MBNL3: variants seen among roughly 807,000 people sequenced by gnomAD.
MBNL3 encodes muscleblind like splicing regulator 3.
A neutral mutation model predicts 24.5 loss-of-function variants in MBNL3; 6 were observed. The ratio of observed to expected loss-of-function variants is 0.25; its 90% CI spans 0.13 to 0.48. The LOEUF is 0.48. Among genes scored for constraint, MBNL3 ranks in the 20% least tolerant of loss-of-function variants. MBNL3 has a pLI of 0.99. For missense variants in MBNL3, 230 were observed against 293.5 expected (o/e 0.78, Z 1.58); for synonymous variants, 100 against 101.7 (o/e 0.98, Z 0.10).
intron 8 of MBNL3, among the ~76,000 whole-genome samples, chrX:132,381,752 A>G (rs1474148444): frequency 8.9e-6 from 1 of 112,328 alleles, no homozygotes; most frequent in Non-Finnish European, 1.9e-5. Flanking sequence ...CATGTCTTGG[A>G]AAGAAATGTG....
chrX:132,487,472 T>A (rs1341262061), intron 1 of MBNL3, among the ~76,000 whole-genome samples: 1 of 112,630 alleles, frequency 8.9e-6, no homozygotes, highest in Non-Finnish European at 1.9e-5. Flanking sequence ...CTACAGCACC[T>A]GGGCAGAAAA....
In MBNL3 at chrX:132,392,310, T is replaced by C; in HGVS notation, c.367A>G (p.Ile123Val). The change falls in exon 4 of 9, where the codon ATT (isoleucine) becomes GTT (valine). Residue 123 changes from isoleucine to valine, a missense_variant. Coordinates refer to ENST00000370853, the MANE Select transcript of MBNL3 (RefSeq NM_001386889.1). ...SLGSFPMTPS[I>V]PANPPMAFNP... ...AAAGCCATGGGAGGATTAGCTGGAA[T>C]TGATGGAGTCATAGGAAAAGAACCC... 8.3e-7 allele frequency: 1 copy of C among 1,204,901 alleles called. No homozygotes were observed. The highest frequency in any genetic ancestry group is 1.1e-6 in the Non-Finnish European group (1 of 892,607).
In MBNL3 at chrX:132,369,326, A is replaced by G. The variant is rs1351319494; in HGVS notation, c.*10340T>C. The G allele has an allele frequency of 2.7e-5, 3 of 111,749 alleles. No individual in the cohort carries two copies. Among genetic ancestry groups the G allele is most frequent in the African/African-American group, 9.8e-5 (3 of 30,721 alleles). 9.2% of individuals were successfully genotyped at this position (111,749 alleles called of 1,213,427 possible). ...AGGACTGAAACACTTTGAATAAACT[A>G]CACACACATTTATTAAATAGTGAAA... On this transcript the variant is annotated 3_prime_UTR_variant, in exon 9 of 9. Transcript: ENST00000370853.
intron 2 of MBNL3, among the ~76,000 whole-genome samples, chrX:132,415,973 A>G: frequency 9.1e-6 from 1 of 110,227 alleles, no homozygotes; most frequent in East Asian, 2.8e-4. Flanking sequence ...CACAGCCACT[A>G]TATATATAAA....
Position 132,484,374 on chromosome X carries a change from G to C in MBNL3, c.-704+4477C>G, listed in dbSNP as rs746525344. 3.6e-5 allele frequency among the ~76,000 whole-genome samples: 4 copies of C among 112,205 alleles called. No individual in the cohort carries two copies. The South Asian group carries it at 1.5e-3, about 42-fold the overall frequency. The stretch of plus-strand genomic sequence containing the variant: ...CATTTATTTAACAAACTTTTACTGA[G>C]AACCTACTATCTACCAGGCATTAGG... On this transcript the variant is annotated intron_variant, in intron 1 of 8. Coordinates refer to ENST00000370853, the MANE Select transcript of MBNL3 (RefSeq NM_001386889.1).
At chrX:132,453,576 T>C (rs1352986307) in intron 1 of MBNL3, among the ~76,000 whole-genome samples, 1 of 111,987 alleles carries the variant, frequency 8.9e-6, no homozygotes, top group African/African-American at 3.2e-5. Flanking sequence ...ATTCCTATTT[T>C]CTGAACTGAC....
At chrX:132,417,274 C>A (rs1044019040) in intron 2 of MBNL3, among the ~76,000 whole-genome samples, 1 of 110,856 alleles carries the variant, frequency 9.0e-6, no homozygotes, top group African/African-American at 3.3e-5. Flanking sequence ...CTAAACAAGG[C>A]CCTCCACAAA....
At chrX:132,411,865 G>A (rs1942784021) in intron 2 of MBNL3, among the ~76,000 whole-genome samples, 2 of 111,572 alleles carry the variant, frequency 1.8e-5, no homozygotes, top group South Asian at 7.6e-4. Flanking sequence ...TAGCCGCCCT[G>A]CCATACACGT....
intron 7 of MBNL3, among the ~76,000 whole-genome samples, chrX:132,384,439 A>G (rs1156815519): frequency 1.8e-5 from 2 of 112,086 alleles, no homozygotes; most frequent in African/African-American, 3.2e-5. Flanking sequence ...AGAAATAGAG[A>G]AATGACAGGG....
chrX:132,439,004 C>T (rs985047054), intron 2 of MBNL3, among the ~76,000 whole-genome samples: 2 of 110,195 alleles, frequency 1.8e-5, no homozygotes, highest in African/African-American at 6.6e-5. Context: ...CTCCTAAGTG[C>T]ATTTTGGTAC....
chrX:132,407,357 C>T (rs923082598), intron 2 of MBNL3, among the ~76,000 whole-genome samples: 2 of 112,073 alleles, frequency 1.8e-5, no homozygotes, highest in Non-Finnish European at 3.8e-5. Flanking sequence ...TGGCAAGAAG[C>T]TGAGTATAAC....
chrX:132,403,814 T>A (rs1197752057), intron 3 of MBNL3, among the ~76,000 whole-genome samples: 1 of 111,600 alleles, frequency 9.0e-6, no homozygotes, highest in East Asian at 2.8e-4. Flanking sequence ...ACCCTGAAGC[T>A]ATCCCTCGAC....
intron 3 of MBNL3, among the ~76,000 whole-genome samples, chrX:132,397,698 T>G: frequency 9.0e-6 from 1 of 111,697 alleles, no homozygotes; most frequent in Non-Finnish European, 1.9e-5. Flanking sequence ...CTTTTTACGG[T>G]CATCATGCAT....
chrX:132,396,579 CCT>C (rs1198583260), intron 3 of MBNL3, among the ~76,000 whole-genome samples: 15 of 50,656 alleles, frequency 3.0e-4, no homozygotes, highest in Non-Finnish European at 4.7e-4. Context: ...TATATATATT[CCT>C]ATATATATTC....
chrX:132,417,375 A>G (rs1943392389), intron 2 of MBNL3, among the ~76,000 whole-genome samples: 1 of 112,094 alleles, frequency 8.9e-6, no homozygotes, highest in South Asian at 3.7e-4. Flanking sequence ...TAAATGTCTC[A>G]TGGCCTTACA....
rs372946021 is a variant in MBNL3, at chrX:132,390,976, T to G, written c.642A>C (p.Thr214=). 8.3e-7 allele frequency: 1 copy of G among 1,209,095 alleles called. No homozygotes were observed. Among genetic ancestry groups the G allele is most frequent in the African/African-American group, 1.8e-5 (1 of 56,945 alleles). ...GACCTTTGATGTAATCCATGCAGAT[T>G]GTCACAGTATTATCACTCGCTTCAA... ...SMIEASDNTV[T]ICMDYIKGRC... is the part of the protein sequence containing the mutation. Residue 214 remains threonine, a synonymous_variant, in exon 5 of 9, where the codon ACA becomes ACC. Transcript: ENST00000370853.
At chrX:132,401,534 C>T (rs2148241134) in intron 3 of MBNL3, among the ~76,000 whole-genome samples, 1 of 108,619 alleles carries the variant, frequency 9.2e-6, no homozygotes, top group South Asian at 4.1e-4. Flanking sequence ...TGACTTGACC[C>T]CACAAGTCTG....
rs1194912034 is a variant in MBNL3, at chrX:132,386,642, C to T, written c.922+19G>A. The T allele has an allele frequency of 8.3e-7, 1 of 1,209,396 alleles. No individual in the cohort carries two copies. The highest frequency in any genetic ancestry group is 1.1e-6 in the Non-Finnish European group (1 of 894,958). On this transcript the variant is annotated intron_variant, in intron 6 of 8. Coordinates refer to ENST00000370853, the MANE Select transcript of MBNL3 (RefSeq NM_001386889.1). Reference sequence around the variant, plus strand: ...CAACATCACCAAACTCGCTGCAGTGCCTAGAGCTGTGTTCTCACCTGCAGG... The same window carrying T: ...CAACATCACCAAACTCGCTGCAGTGTCTAGAGCTGTGTTCTCACCTGCAGG...
chrX:132,418,716 ACAAGGCAATTGAATGTGT>A (rs372148196), intron 2 of MBNL3, among the ~76,000 whole-genome samples: 4 of 112,411 alleles, frequency 3.6e-5, no homozygotes, highest in African/African-American at 9.7e-5. Context: ...AATGAATAAG[ACAAGGCAATTGAATGTGT>A]CAAGGCAATT....
Sources: allele counts gnomAD v4.1 joint callset (sites outside exome capture counted in the v4.1 genomes callset), GRCh38; gene constraint gnomAD v4.1.1; transcripts MANE v1.5; gene names NCBI Gene and HGNC (gene_info 2026-07-23, HGNC 2026-07-21).